Variants in PLEKHG3 observed in about 807,000 individuals in gnomAD.
The protein encoded by PLEKHG3 is pleckstrin homology domain-containing family G member 3.
A neutral mutation model predicts 94.9 loss-of-function variants in PLEKHG3; 62 were observed. The observed-to-expected ratio is 0.65, with a 90% CI of 0.53 to 0.81. The LOEUF is 0.81. Among genes scored for constraint, PLEKHG3 ranks in the 30% least tolerant of loss-of-function variants. The probability of loss-of-function intolerance (pLI) is 0.00; values close to 1 mark genes in which losing one functional copy is unlikely to be tolerated. For missense variants in PLEKHG3, 1,461 were observed against 1,619.3 expected (o/e 0.90, Z 1.68); for synonymous variants, 614 against 654.0 (o/e 0.94, Z 0.93).
Position 64,749,071 on chromosome 14 carries a change from G to A in PLEKHG3, c.*5368G>A. 1 of 455,492 alleles carries A rather than the reference G, an allele frequency of 2.2e-6. No homozygotes were observed. The allele number at this position is 455,492 out of a possible 1,614,324, so 28.2% of individuals were successfully genotyped here. A position where few individuals can be genotyped will look rare whatever the true frequency, so the allele number is the denominator to read the frequency against. ...CCTGGAGGCCCCAAAGGCGCCAGAG[G>A]AGCTGGGAGCCCCTGTCCCTGGAGC... On this transcript the variant is annotated 3_prime_UTR_variant, in exon 17 of 17. Coordinates refer to ENST00000247226, the MANE Select transcript of PLEKHG3 (RefSeq NM_001308147.2). This position sits in a 1 kb window ranked among gnomAD's most constrained non-coding sequence, Gnocchi z 4.7.
Position 64,742,156 on chromosome 14 carries a change from T to A in PLEKHG3, c.2639T>A (p.Leu880Gln). The change falls in exon 16 of 17, where the codon CTG becomes CAG. Residue 880 changes from leucine to glutamine, a missense_variant. This residue lies in a region of PLEKHG3 where 1,201 missense variants were observed against 1,295.5 expected (regional missense o/e 0.93). Coordinates refer to ENST00000247226, the MANE Select transcript of PLEKHG3 (RefSeq NM_001308147.2). ...ACTGAGGGGCGCAGCCCGGCCCACCTGGCCCGGGAGCTGAAAGAGCTGGTG... is the reference window on the plus strand; with the variant it reads ...ACTGAGGGGCGCAGCCCGGCCCACCAGGCCCGGGAGCTGAAAGAGCTGGTG... ...SPTEGRSPAH[L>Q]ARELKELVKE... 1.9e-6 allele frequency: 3 copies of A among 1,612,206 alleles called. No individual in the cohort carries two copies. Among genetic ancestry groups the A allele is most frequent in the Non-Finnish European group, 2.5e-6 (3 of 1,179,970 alleles).
At chr14:64,742,568 A>G in intron 16 of PLEKHG3, 113 bp downstream of exon 16, 1 of 783,938 alleles carries the variant, frequency 1.3e-6, no homozygotes, top group Non-Finnish European at 2.0e-6. Flanking sequence ...TACCAAAGGG[A>G]GAAGCTGGAC....
At position 64,745,320 on chromosome 14, in the gene PLEKHG3, C is replaced by CTT. The variant is rs1213081924; in HGVS notation, c.*1618_*1619dup. On this transcript the variant is annotated 3_prime_UTR_variant, in exon 17 of 17. Transcript: ENST00000247226. The surrounding 1 kb of genome is among the most constrained non-coding windows in gnomAD (Gnocchi z 5.0). ...CTAGCTGGGGCCTGGGAGGTAGAGG[C>CTT]TTCAGGGCCTGGGTGGTAGAGCTGC... is the stretch of plus-strand genomic sequence containing the variant. 6.6e-6 allele frequency: 1 copy of CTT among 152,182 alleles called. No homozygotes were observed. Among genetic ancestry groups the CTT allele is most frequent in the Admixed American group, 6.5e-5 (1 of 15,282 alleles). 9.4% of individuals were successfully genotyped at this position (152,182 alleles called of 1,614,324 possible).
At position 64,734,505 on chromosome 14, in the gene PLEKHG3, A is replaced by G. The variant is rs556630533; in HGVS notation, c.1345+1604A>G. Among the ~76,000 whole-genome samples, 3 of 152,276 alleles carry G rather than the reference A, an allele frequency of 2.0e-5. No individual in the cohort carries two copies. In the South Asian group the frequency reaches 6.2e-4, roughly 32 times the overall value. On this transcript the variant is annotated intron_variant, in intron 12 of 16. Coordinates refer to ENST00000247226, the MANE Select transcript of PLEKHG3 (RefSeq NM_001308147.2). Reference sequence around the variant, plus strand: ...TTGAATTGTACACTCTAAATAGGTGAATTGTATTTGAATTATATTTCAATA... The same window carrying G: ...TTGAATTGTACACTCTAAATAGGTGGATTGTATTTGAATTATATTTCAATA...
In PLEKHG3 at chr14:64,723,522, A is replaced by G. The variant is rs2081301034; in HGVS notation, c.-39-4071A>G. Among the ~76,000 whole-genome samples, 1 of 150,924 alleles carries G rather than the reference A, an allele frequency of 6.6e-6. No individual in the cohort carries two copies. Among genetic ancestry groups the G allele is most frequent in the Non-Finnish European group, 1.5e-5 (1 of 67,756 alleles). ...GTTTTCTTTTTTCTTTTTTTTTGAG[A>G]TGGAGTCTCATGCTGTCACCCAGGC... is the stretch of plus-strand genomic sequence containing the variant. On this transcript the variant is annotated intron_variant, in intron 1 of 16. Coordinates refer to ENST00000247226, the MANE Select transcript of PLEKHG3 (RefSeq NM_001308147.2). The surrounding 1 kb of genome is among the most constrained non-coding windows in gnomAD (Gnocchi z 4.5).
rs2139366050 is a variant in PLEKHG3, at chr14:64,716,472, CA to C, written c.-39-11120del. ...CACACACACACACACACACAACACACACACACACAACACACACACACACAAC... is the reference window on the plus strand; with the variant it reads ...CACACACACACACACACACAACACACCACACACAACACACACACACACAAC... On this transcript the variant is annotated intron_variant, in intron 1 of 16. Transcript: ENST00000247226. This position sits in a 1 kb window ranked among gnomAD's most constrained non-coding sequence, Gnocchi z 5.0. 7.4e-6 allele frequency among the ~76,000 whole-genome samples: 1 copy of C among 134,408 alleles called. No individual in the cohort carries two copies. The highest frequency in any genetic ancestry group is 2.8e-5 in the African/African-American group (1 of 35,324). The allele number at this position is 134,408 out of a possible 152,430, so 88.2% of individuals were successfully genotyped here.
chr14:64,733,014 G>T, intron 12 of PLEKHG3, 113 bp downstream of exon 12: 1 of 684,606 alleles, frequency 1.5e-6, no homozygotes. Context: ...GAAACCCTGG[G>T]AAAGGCTAGA....
At position 64,704,680 on chromosome 14, in the gene PLEKHG3, G is replaced by A. The variant is rs1162650999; in HGVS notation, c.-64G>A. 1 of 152,556 alleles carries A rather than the reference G, an allele frequency of 6.6e-6. No individual in the cohort carries two copies. The highest frequency in any genetic ancestry group is 1.5e-5 in the Non-Finnish European group (1 of 68,292). The allele number at this position is 152,556 out of a possible 1,614,324, so 9.5% of individuals were successfully genotyped here. On this transcript the variant is annotated 5_prime_UTR_variant, in exon 1 of 17. Transcript: ENST00000247226. This position sits in a 1 kb window ranked among gnomAD's most constrained non-coding sequence, Gnocchi z 5.6. ...CAGCCCCGCACGCCGTGCGCGTCCC[G>A]AGCCCGCGGGGCAGCTACCGCTCGG...
chr14:64,732,142 G>A lies in PLEKHG3; in HGVS notation c.1173G>A (p.Arg391=). ...EKRNWTHHIK[R]LILENHHATI... Reference sequence around the variant, plus strand: ...GGAACTGGACTCACCACATCAAGAGGCTCATCCTAGAGAACCACCATGCCA... The same window carrying A: ...GGAACTGGACTCACCACATCAAGAGACTCATCCTAGAGAACCACCATGCCA... The change falls in exon 10 of 17, where the codon AGG becomes AGA. Residue 391 remains arginine, a synonymous_variant. Transcript: ENST00000247226. This position sits in a 1 kb window ranked among gnomAD's most constrained non-coding sequence, Gnocchi z 4.9. 6.2e-7 allele frequency: 1 copy of A among 1,614,032 alleles called. No homozygotes were observed.
chr14:64,744,379 G>A lies in PLEKHG3; in HGVS notation c.*676G>A, dbSNP rs540569459. Reference sequence around the variant, plus strand: ...GAACTCCTTCCTAGGCTTGGCTGGGGTAGGGAAGGTTATTCATGGGCCAGG... The same window carrying A: ...GAACTCCTTCCTAGGCTTGGCTGGGATAGGGAAGGTTATTCATGGGCCAGG... On this transcript the variant is annotated 3_prime_UTR_variant, in exon 17 of 17. Transcript: ENST00000247226. The A allele has an allele frequency of 6.6e-4, 101 of 152,622 alleles. No individual in the cohort carries two copies. Among genetic ancestry groups the A allele is most frequent in the Non-Finnish European group, 6.5e-4 (44 of 68,058 alleles). 9.5% of individuals were successfully genotyped at this position (152,622 alleles called of 1,614,324 possible).
Position 64,732,893 on chromosome 14 carries a change from G to A in PLEKHG3, c.1337G>A (p.Arg446Gln), listed in dbSNP as rs75568560. 1.8e-4 allele frequency: 287 copies of A among 1,600,036 alleles called. 2 individuals carry two copies. The East Asian group carries it at 4.6e-3, about 25-fold the overall frequency. ...EVSTNVRQGR[R>Q]QSEPTKHLLR... ...TCCACCAATGTGCGCCAGGGGCGCC[G>A]GCAATCTGGTAAGAGAAGGGCTGTG... The change falls in exon 12 of 17, where the codon CGG becomes CAG. Residue 446 changes from arginine to glutamine, a missense_variant. Coordinates refer to ENST00000247226, the MANE Select transcript of PLEKHG3 (RefSeq NM_001308147.2). The surrounding 1 kb of genome is among the most constrained non-coding windows in gnomAD (Gnocchi z 4.9).
In PLEKHG3 at chr14:64,748,869, T is replaced by C. The variant is rs894308364; in HGVS notation, c.*5166T>C. 11 of 167,174 alleles carry C rather than the reference T, an allele frequency of 6.6e-5. No homozygotes were observed. The highest frequency in any genetic ancestry group is 6.3e-4 in the Admixed American group (10 of 15,770). The allele number at this position is 167,174 out of a possible 1,614,324, so 10.4% of individuals were successfully genotyped here. On this transcript the variant is annotated 3_prime_UTR_variant, in exon 17 of 17. Transcript: ENST00000247226. ...TCCCTGGCTGCCACCAGGTGGGAGG[T>C]GACCCGAAGCAAGACTTGCTTTAGG...
chr14:64,737,985 G>A, intron 14 of PLEKHG3: 13 of 1,247,058 alleles, frequency 1.0e-5, no homozygotes, highest in Non-Finnish European at 1.1e-5. Flanking sequence ...GGTGGAGGAG[G>A]AGGAGGAGGA....
intron 12 of PLEKHG3, among the ~76,000 whole-genome samples, chr14:64,736,651 A>G (rs1195245400): frequency 6.6e-6 from 1 of 152,116 alleles, no homozygotes; most frequent in African/African-American, 2.4e-5. Context: ...CTGGAGATGG[A>G]TGGGCCCGCC....
chr14:64,733,926 A>G (rs1019125930), intron 12 of PLEKHG3, among the ~76,000 whole-genome samples: 5 of 152,246 alleles, frequency 3.3e-5, no homozygotes, highest in Non-Finnish European at 7.3e-5. Flanking sequence ...TGCCAAACAT[A>G]TACCCAAGGT....
chr14:64,741,689 T>C lies in PLEKHG3; in HGVS notation c.2172T>C (p.Tyr724=). 1 of 1,613,000 alleles carries C rather than the reference T, an allele frequency of 6.2e-7. No homozygotes were observed. Among genetic ancestry groups the C allele is most frequent in the Non-Finnish European group, 8.5e-7 (1 of 1,180,034 alleles). Residue 724 remains tyrosine (Y), a synonymous_variant, in exon 16 of 17, where the codon TAT becomes TAC. Coordinates refer to ENST00000247226, the MANE Select transcript of PLEKHG3 (RefSeq NM_001308147.2). ...TGCTAGACAAGATTAAGAGCTATTATGAAAATGCAGAACACCATGATGCAG... is the reference window on the plus strand; with the variant it reads ...TGCTAGACAAGATTAAGAGCTATTACGAAAATGCAGAACACCATGATGCAG... ...RLLLDKIKSY[Y]ENAEHHDAGF... is the part of the protein sequence containing the mutation.
rs2081272576 is a variant in PLEKHG3, at chr14:64,722,146, G to C, written c.-39-5447G>C. 6.6e-6 allele frequency among the ~76,000 whole-genome samples: 1 copy of C among 152,302 alleles called. No homozygotes were observed. The highest frequency in any genetic ancestry group is 2.4e-5 in the African/African-American group (1 of 41,570). On this transcript the variant is annotated intron_variant, in intron 1 of 16. Transcript: ENST00000247226. This position sits in a 1 kb window ranked among gnomAD's most constrained non-coding sequence, Gnocchi z 4.3. Reference sequence around the variant, plus strand: ...CTTGGAATGTTTAGCAGATGATGTAGTTGAGGGATGAAGGCCACACAGGAG... The same window carrying C: ...CTTGGAATGTTTAGCAGATGATGTACTTGAGGGATGAAGGCCACACAGGAG...
chr14:64,749,722 A>G lies in PLEKHG3; in HGVS notation c.*6019A>G, dbSNP rs1197059307. The G allele has an allele frequency of 1.9e-6, 3 of 1,612,252 alleles. No homozygotes were observed. On this transcript the variant is annotated 3_prime_UTR_variant, in exon 17 of 17. Transcript: ENST00000247226. This position sits in a 1 kb window ranked among gnomAD's most constrained non-coding sequence, Gnocchi z 4.7. ...CTAGGAGGACAAAGGGTTTCCTGTCATGGAGACACCTCTGGAGGGGGCGCT... is the reference window on the plus strand; with the variant it reads ...CTAGGAGGACAAAGGGTTTCCTGTCGTGGAGACACCTCTGGAGGGGGCGCT...
At chr14:64,742,913 G>T in intron 16 of PLEKHG3, 69 bp from the exon 17 acceptor site, 2 of 1,543,676 alleles carry the variant, frequency 1.3e-6, no homozygotes, top group South Asian at 1.1e-5. Flanking sequence ...GTTGGGGCCT[G>T]CTCAGAGCAC....
Sources: gnomAD v4.1 joint callset for allele counts (sites outside exome capture counted in the v4.1 genomes callset) on GRCh38, gnomAD v4.1.1 for gene constraint, gnomAD v4.1.1 regional missense constraint, Gnocchi (gnomAD v3.1) non-coding constraint, MANE v1.5 for transcripts, NCBI Gene and HGNC (gene_info 2026-07-23, HGNC 2026-07-21) for gene names.